The following FGD5 variants were observed in gnomAD, a reference collection of about 807,000 sequenced individuals.
FGD5 encodes FYVE, RhoGEF and PH domain-containing protein 5.
In FGD5, 28 loss-of-function variants were observed where a neutral mutation model predicts 133.4. That is an observed-to-expected ratio of 0.21 (90% CI 0.16 to 0.29). FGD5 has a LOEUF of 0.29. FGD5 is among the 10% of genes least tolerant of loss of function. The pLI, the probability that FGD5 is intolerant of heterozygous loss-of-function variation, is 1.00. For missense variants in FGD5, 1,858 were observed against 1,895.2 expected, an observed-to-expected ratio of 0.98 and a Z score of 0.36; for synonymous variants, 810 against 776.5, an observed-to-expected ratio of 1.04 and a Z score of -0.72.
rs2038949671 is a variant in FGD5 at position 14,934,526 on chromosome 3, CT to C, written c.*1363del. On this transcript the variant is annotated 3_prime_UTR_variant, in exon 20 of 20. Transcript: ENST00000285046. ...GAATTTTTTTTTCCAGTTTGCAGTT[CT>C]TTTAAAATGTTTGCATTAAACATGT... 1 of 152,064 alleles carries C rather than the reference CT, an allele frequency of 6.6e-6. No homozygotes were observed. The highest frequency in any genetic ancestry group is 1.5e-5 in the Non-Finnish European group (1 of 68,004). 9.4% of individuals were successfully genotyped at this position (152,064 alleles called of 1,614,324 possible). A position where few individuals can be genotyped will look rare whatever the true frequency, so the allele number is the denominator to read the frequency against.
Position 14,932,618 on chromosome 3 carries a change from C to A in FGD5, c.4239C>A (p.Thr1413=). 1.2e-6 allele frequency: 2 copies of A among 1,613,974 alleles called. No homozygotes were observed. The highest frequency in any genetic ancestry group is 1.7e-6 in the Non-Finnish European group (2 of 1,179,842). The change falls in exon 19 of 20, where the codon ACC becomes ACA. Residue 1413 remains threonine (T), a synonymous_variant. Coordinates refer to ENST00000285046, the MANE Select transcript of FGD5 (RefSeq NM_152536.4). ...AGAGTATGCCTCTGCTAGGCTTCACCATTGCTCCAGAAAAGGAAGAGGGCA... is the reference window on the plus strand; with the variant it reads ...AGAGTATGCCTCTGCTAGGCTTCACAATTGCTCCAGAAAAGGAAGAGGGCA... ...ALESMPLLGF[T]IAPEKEEGSS...
upstream of FGD5, among the ~76,000 whole-genome samples, chr3:14,814,243 G>T (rs2036337154): frequency 6.6e-6 from 1 of 152,178 alleles, no homozygotes; most frequent in African/African-American, 2.4e-5. Flanking sequence ...TCCAGAGAAG[G>T]AAACCACAGC....
At chr3:14,892,913 T>G (rs2038057959) in intron 4 of FGD5, among the ~76,000 whole-genome samples, 1 of 152,022 alleles carries the variant, frequency 6.6e-6, no homozygotes, top group South Asian at 2.1e-4. Context: ...AGGGAGACAA[T>G]CCAACAAGGT....
Position 14,820,585 on chromosome 3 carries a change from C to G in FGD5, c.1514C>G (p.Ala505Gly). 2 of 1,608,616 alleles carry G rather than the reference C, an allele frequency of 1.2e-6. No homozygotes were observed. Among genetic ancestry groups the G allele is most frequent in the Non-Finnish European group, 1.7e-6 (2 of 1,176,972 alleles). The part of the protein sequence containing the change: ...ETVPEETGPE[A>G]GSSAPGIGGA... ...GTCCCTGAAGAAACCGGACCTGAGGCGGGCTCGTCAGCCCCTGGCATTGGA... is the reference window on the plus strand; with the variant it reads ...GTCCCTGAAGAAACCGGACCTGAGGGGGGCTCGTCAGCCCCTGGCATTGGA... The change falls in exon 1 of 20, where the codon GCG becomes GGG. Residue 505 changes from alanine to glycine, a missense_variant. Ala to Gly is a moderately conservative substitution (Grantham distance 60). Transcript: ENST00000285046.
At chr3:14,846,186 G>A (rs2037048222) in intron 1 of FGD5, among the ~76,000 whole-genome samples, 1 of 152,214 alleles carries the variant, frequency 6.6e-6, no homozygotes, top group Non-Finnish European at 1.5e-5. Context: ...CATGGAAGAA[G>A]AAAATGCTTG....
intron 4 of FGD5, among the ~76,000 whole-genome samples, chr3:14,884,525 C>T (rs544473770): frequency 6.6e-6 from 1 of 152,204 alleles, no homozygotes; most frequent in Non-Finnish European, 1.5e-5. Context: ...CTGGAAGGTC[C>T]TACCCCGATC....
chr3:14,871,697 TGGG>T (rs1297344182), intron 2 of FGD5, among the ~76,000 whole-genome samples: 1 of 152,044 alleles, frequency 6.6e-6, no homozygotes, highest in African/African-American at 2.4e-5. Flanking sequence ...CTGAGGTCCT[TGGG>T]GGGCTTGAAG....
In FGD5 at chr3:14,922,698, C is replaced by G; in HGVS notation, c.3807+150C>G. ...ACACCAACCCGAGAGGAACAGATTG[C>G]TAATTCCCATTTTATAGATCATCAA... On this transcript the variant is annotated intron_variant, in intron 15 of 19. Transcript: ENST00000285046. This position sits in a 1 kb window ranked among gnomAD's most constrained non-coding sequence, Gnocchi z 4.1. 1 of 1,134,426 alleles carries G rather than the reference C, an allele frequency of 8.8e-7. No homozygotes were observed. The highest frequency in any genetic ancestry group is 1.6e-5 in the South Asian group (1 of 64,516). The allele number at this position is 1,134,426 out of a possible 1,614,324, so 70.3% of individuals were successfully genotyped here.
At chr3:14,839,365 G>T (rs116809436) in intron 1 of FGD5, among the ~76,000 whole-genome samples, 1 of 152,158 alleles carries the variant, frequency 6.6e-6, no homozygotes, top group South Asian at 2.1e-4. Context: ...CTCTATTTGT[G>T]GTCTGGAACC....
Position 14,922,676 on chromosome 3 carries a change from C to A in FGD5, c.3807+128C>A. On this transcript the variant is annotated intron_variant, in intron 15 of 19. Transcript: ENST00000285046. This position sits in a 1 kb window ranked among gnomAD's most constrained non-coding sequence, Gnocchi z 4.1. ...AGCCCCAGAGTGAGGCATGTTCACA[C>A]CAACCCGAGAGGAACAGATTGCTAA... 1.5e-6 allele frequency: 2 copies of A among 1,292,238 alleles called. No individual in the cohort carries two copies. Among genetic ancestry groups the A allele is most frequent in the Non-Finnish European group, 2.1e-6 (2 of 950,786 alleles). 80.0% of individuals were successfully genotyped at this position (1,292,238 alleles called of 1,614,324 possible). A position where few individuals can be genotyped will look rare whatever the true frequency, so the allele number is the denominator to read the frequency against.
In FGD5 at chr3:14,904,049, G is replaced by A. The variant is rs555367782; in HGVS notation, c.3264+2988G>A. The stretch of plus-strand genomic sequence containing the variant: ...TTTGGGAAGAGGCTCACAGAGCAAG[G>A]TACTTTTCATCCCATCATATGAAGG... On this transcript the variant is annotated intron_variant, in intron 9 of 19. Coordinates refer to ENST00000285046, the MANE Select transcript of FGD5 (RefSeq NM_152536.4). Among the ~76,000 whole-genome samples the A allele has an allele frequency of 7.2e-5, 11 of 152,302 alleles. No homozygotes were observed. In the East Asian group the frequency reaches 1.5e-3, roughly 21 times the overall value.
chr3:14,905,022 A>G (rs2038312925), intron 9 of FGD5, among the ~76,000 whole-genome samples: 1 of 151,814 alleles, frequency 6.6e-6, no homozygotes. Context: ...AATGTTTCCC[A>G]TTCTAATCAT....
chr3:14,823,815 A>G (rs984420803), intron 1 of FGD5, among the ~76,000 whole-genome samples: 1 of 152,194 alleles, frequency 6.6e-6, no homozygotes, highest in Non-Finnish European at 1.5e-5. Flanking sequence ...CTGCTTGGCT[A>G]TATGTGAAGG....
In FGD5 at chr3:14,824,150, C is replaced by T. The variant is rs1299331250; in HGVS notation, c.2525+2554C>T. Among the ~76,000 whole-genome samples the T allele has an allele frequency of 5.9e-5, 9 of 152,232 alleles. No individual in the cohort carries two copies. The East Asian group carries it at 1.7e-3, about 29-fold the overall frequency. ...ACAGGAACCACATCCTCTTGGACAT[C>T]AGTCAGTGAGCAAAGCTTTCTTCCG... On this transcript the variant is annotated intron_variant, in intron 1 of 19. Coordinates refer to ENST00000285046, the MANE Select transcript of FGD5 (RefSeq NM_152536.4).
intron 1 of FGD5, among the ~76,000 whole-genome samples, chr3:14,813,013 T>C (rs2036316376): frequency 6.6e-6 from 1 of 152,298 alleles, no homozygotes; most frequent in South Asian, 2.1e-4. Flanking sequence ...GGAGATTTTA[T>C]GGTCACTGGC....
At chr3:14,826,264 C>CCTCTCCCTCCCTTTCTCCCT (rs2036596287) in intron 1 of FGD5, among the ~76,000 whole-genome samples, 1 of 152,108 alleles carries the variant, frequency 6.6e-6, no homozygotes, top group African/African-American at 2.4e-5. Flanking sequence ...TCTCTTTCTT[C>CCTCTCCCTCCCTTTCTCCCT]CTCTCCCTCC....
At chr3:14,875,465 T>C (rs2037698454) in intron 2 of FGD5, among the ~76,000 whole-genome samples, 1 of 151,374 alleles carries the variant, frequency 6.6e-6, no homozygotes, top group African/African-American at 2.4e-5. Flanking sequence ...CACCCAGAGG[T>C]AGGAAAAAAT....
At chr3:14,878,811 C>T (rs959947474) in intron 2 of FGD5, among the ~76,000 whole-genome samples, 4 of 151,702 alleles carry the variant, frequency 2.6e-5, no homozygotes, top group Non-Finnish European at 5.9e-5. Flanking sequence ...CTACAACCTC[C>T]GCCTCCTGCC....
intron 1 of FGD5, among the ~76,000 whole-genome samples, chr3:14,834,027 A>G (rs2036768035): frequency 6.6e-6 from 1 of 152,032 alleles, no homozygotes; most frequent in Non-Finnish European, 1.5e-5. Flanking sequence ...TACTTTTTCA[A>G]ATCTTACTTG....
Sources: gnomAD v4.1 joint callset for allele counts (sites outside exome capture counted in the v4.1 genomes callset) on GRCh38, gnomAD v4.1.1 for gene constraint, Gnocchi (gnomAD v3.1) non-coding constraint, MANE v1.5 for transcripts, NCBI Gene and HGNC (gene_info 2026-07-23, HGNC 2026-07-21) for gene names.